LRP5: variants seen among roughly 807,000 people sequenced by gnomAD.
LRP5 encodes low-density lipoprotein receptor-related protein 5.
In LRP5, 62 loss-of-function variants were observed where a neutral mutation model predicts 154.1. That is an observed-to-expected ratio of 0.40 (90% confidence interval 0.33 to 0.50). The LOEUF is 0.50. Among genes scored for constraint, LRP5 ranks in the 20% least tolerant of loss-of-function variants. The pLI, the probability that LRP5 is intolerant of heterozygous loss-of-function variation, is 0.55. For missense variants in LRP5, 1,915 were observed against 2,336.7 expected (o/e 0.82, Z 3.72); for synonymous variants, 966 against 1,011.5 (o/e 0.96, Z 0.85).
In LRP5 at chr11:68,371,574, G is replaced by A. The variant is rs550469392; in HGVS notation, c.1015+5872G>A. On this transcript the variant is annotated intron_variant, in intron 5 of 22. Coordinates refer to ENST00000294304, the MANE Select transcript of LRP5 (RefSeq NM_002335.4). ...TCACCTGAGCACAGTCGCTGTTCTC[G>A]GTTCCTCTGTGGCTTTCCAGGCTGC... is the stretch of plus-strand genomic sequence containing the variant. Among the ~76,000 whole-genome samples the A allele has an allele frequency of 8.1e-4, 123 of 152,368 alleles. 1 individual carries two copies. The highest frequency in any genetic ancestry group is 2.9e-3 in the African/African-American group (119 of 41,582).
chr11:68,388,963 C>T (rs1279606892), intron 6 of LRP5, among the ~76,000 whole-genome samples: 1 of 152,246 alleles, frequency 6.6e-6, no homozygotes, highest in African/African-American at 2.4e-5. Context: ...CATTGACCGA[C>T]ACCGACATTT....
intron 13 of LRP5, among the ~76,000 whole-genome samples, chr11:68,420,980 A>G (rs1318798866): frequency 6.6e-6 from 1 of 152,158 alleles, no homozygotes; most frequent in Admixed American, 6.5e-5. Flanking sequence ...TAATCCCAGC[A>G]CTTTGGGAGG....
the LRP5 span, among the ~76,000 whole-genome samples, chr11:68,302,345 C>CAA: frequency 2.1e-3 from 181 of 84,360 alleles, no homozygotes; most frequent in African/African-American, 7.1e-3. Flanking sequence ...GACTCCATCT[C>CAA]AAAAAAAAAA....
At chr11:68,306,082 C>G in the LRP5 span, among the ~76,000 whole-genome samples, 1 of 152,166 alleles carries the variant, frequency 6.6e-6, no homozygotes, top group Admixed American at 6.5e-5. Context: ...TCTGCCTCAT[C>G]TTCACATGGC....
rs1457487189 is a variant in LRP5, at chr11:68,312,685, C to A, written c.-30C>A. The stretch of plus-strand genomic sequence containing the variant: ...CCGCGCCATGGAGCCCGAGTGAGCG[C>A]GGCGCGGGCCCGTCCGGCCGCCGGA... On this transcript the variant is annotated 5_prime_UTR_variant, in exon 1 of 23. Transcript: ENST00000294304. The A allele has an allele frequency of 1.0e-6, 1 of 966,992 alleles. No homozygotes were observed. Among genetic ancestry groups the A allele is most frequent in the East Asian group, 1.1e-4 (1 of 9,258 alleles). The allele number at this position is 966,992 out of a possible 1,614,324, so 59.9% of individuals were successfully genotyped here. A position where few individuals can be genotyped will look rare whatever the true frequency, so the allele number is the denominator to read the frequency against.
chr11:68,358,928 G>A (rs1053166072), intron 3 of LRP5, among the ~76,000 whole-genome samples: 19 of 152,244 alleles, frequency 1.2e-4, no homozygotes, highest in African/African-American at 4.6e-4. Context: ...GATGTGGCAG[G>A]TGTCTGTGCA....
intron 13 of LRP5, among the ~76,000 whole-genome samples, chr11:68,417,449 CTTTT>C (rs1161126346): frequency 9.6e-5 from 4 of 41,598 alleles, no homozygotes; most frequent in Non-Finnish European, 1.6e-4. Flanking sequence ...AACAGATTGG[CTTTT>C]TTTTTTTTTT....
Position 68,312,846 on chromosome 11 carries a change from G to A in LRP5, c.91+41G>A, listed in dbSNP as rs530356320. 335 of 987,848 alleles carry A rather than the reference G, an allele frequency of 3.4e-4. No individual in the cohort carries two copies. The African/African-American group carries it at 5.4e-3, about 16-fold the overall frequency. 61.2% of individuals were successfully genotyped at this position (987,848 alleles called of 1,614,324 possible). ...CCGGCCGGGGGCCGCGGGTTGCTCG[G>A]ACAATGGCCCGGGCGGCCCCGCGGC... On this transcript the variant is annotated intron_variant, in intron 1 of 22. Transcript: ENST00000294304.
At chr11:68,416,249 G>A (rs1000256860) in intron 12 of LRP5, 79 bp from the exon 13 acceptor site, 3 of 1,259,182 alleles carry the variant, frequency 2.4e-6, no homozygotes, top group South Asian at 2.4e-5. Context: ...GCCTGTTGTC[G>A]AGTGGCGTGC....
chr11:68,332,622 T>C (rs1421919691), intron 1 of LRP5, among the ~76,000 whole-genome samples: 1 of 151,898 alleles, frequency 6.6e-6, no homozygotes, highest in Non-Finnish European at 1.5e-5. Context: ...CAGGGAGGGT[T>C]TTTAGGGGTG....
chr11:68,439,258 C>T (rs1002815864), intron 20 of LRP5, among the ~76,000 whole-genome samples: 5 of 152,198 alleles, frequency 3.3e-5, no homozygotes, highest in African/African-American at 1.2e-4. Context: ...CCCCACAGCT[C>T]CAGGCCACCT....
rs2153167132 is a variant in LRP5 at position 68,411,579 on chromosome 11, C to T, written c.2462C>T (p.Thr821Ile). The T allele has an allele frequency of 1.2e-6, 2 of 1,613,524 alleles. No individual in the cohort carries two copies. Among genetic ancestry groups the T allele is most frequent in the Middle Eastern group, 1.7e-4 (1 of 6,048 alleles). ...TACGCTGACCAGCGCCTCTACTGGACCGACCTGGACACCAACATGATCGAG... is the reference window on the plus strand; with the variant it reads ...TACGCTGACCAGCGCCTCTACTGGATCGACCTGGACACCAACATGATCGAG... ...IDYADQRLYW[T>I]DLDTNMIESS... Residue 821 changes from threonine to isoleucine, a missense_variant, in exon 11 of 23, where the codon ACC becomes ATC. Thr to Ile is a moderately conservative substitution (Grantham distance 89, BLOSUM62 -1). This residue lies in a region of LRP5 where 1,094 missense variants were observed against 1,210.1 expected (regional missense o/e 0.90). Transcript: ENST00000294304.
chr11:68,300,335 A>G, the LRP5 span, among the ~76,000 whole-genome samples: 1 of 149,164 alleles, frequency 6.7e-6, no homozygotes, highest in Non-Finnish European at 1.5e-5. Context: ...CTGGGTTCAG[A>G]TCCCAGCCTG....
intron 8 of LRP5, among the ~76,000 whole-genome samples, chr11:68,404,886 C>T (rs1369038100): frequency 1.3e-5 from 2 of 150,484 alleles, no homozygotes; most frequent in East Asian, 3.9e-4. Context: ...AGGAGAATGG[C>T]GTGAACCCGG....
In LRP5 at chr11:68,425,286, C is replaced by G. The variant is rs765799138; in HGVS notation, c.3421C>G (p.Leu1141Val). 1.9e-6 allele frequency: 3 copies of G among 1,607,420 alleles called. No individual in the cohort carries two copies. Among genetic ancestry groups the G allele is most frequent in the South Asian group, 2.2e-5 (2 of 90,936 alleles). ...CCTGAAGCGCATTGAGAGCTGTGAC[C>G]TGTCAGGTACGCGCCCCGGGGCCTG... is the stretch of plus-strand genomic sequence containing the variant. ...ADLKRIESCDLSGANRLTLED... is the reference protein window; with the variant it reads ...ADLKRIESCDVSGANRLTLED... The change falls in exon 15 of 23, where the codon CTG becomes GTG. Residue 1141 changes from leucine to valine, a missense_variant. Physicochemically the swap from Leu to Val is conservative, Grantham distance 32 (BLOSUM62 1). Transcript: ENST00000294304.
intron 1 of LRP5, among the ~76,000 whole-genome samples, chr11:68,346,308 A>AT (rs2098612890): frequency 6.6e-6 from 1 of 152,172 alleles, no homozygotes; most frequent in Non-Finnish European, 1.5e-5. Flanking sequence ...CGCCGCTGTC[A>AT]TTTTCCTGGC....
At chr11:68,332,075 C>T (rs1160283855) in intron 1 of LRP5, among the ~76,000 whole-genome samples, 1 of 152,026 alleles carries the variant, frequency 6.6e-6, no homozygotes. Context: ...TCCCCACCCG[C>T]CCCTGAAGGC....
intron 5 of LRP5, among the ~76,000 whole-genome samples, chr11:68,368,650 T>G (rs1196933518): frequency 2.0e-5 from 3 of 152,178 alleles, no homozygotes; most frequent in Non-Finnish European, 2.9e-5. Context: ...TCTCTTGGTG[T>G]GTCTGTCTCC....
intron 7 of LRP5, among the ~76,000 whole-genome samples, chr11:68,396,285 C>T (rs1157065846): frequency 6.6e-6 from 1 of 152,160 alleles, no homozygotes; most frequent in Admixed American, 6.5e-5. Flanking sequence ...AACAAGGTGG[C>T]CAACCCAGGT....
Sources: allele counts gnomAD v4.1 joint callset (sites outside exome capture counted in the v4.1 genomes callset), GRCh38; gene constraint gnomAD v4.1.1; regional missense constraint gnomAD v4.1.1; transcripts MANE v1.5; gene names NCBI Gene and HGNC (gene_info 2026-07-23, HGNC 2026-07-21).